SRPX: variants seen among roughly 807,000 people sequenced by gnomAD.
The protein encoded by SRPX is sushi repeat-containing protein SRPX.
Under a neutral mutation model 38.1 loss-of-function variants are expected in SRPX, and 24 were observed. The observed-to-expected ratio is 0.63, with a 90% confidence interval of 0.46 to 0.89. The LOEUF (loss-of-function observed/expected upper bound fraction) is 0.89. Among genes scored for constraint, SRPX ranks in the 40% least tolerant of loss-of-function variants. The pLI is 0.00. For synonymous variants in SRPX, 184 were observed against 153.8 expected (o/e 1.20, Z -1.45); for missense variants, 416 against 377.8 (o/e 1.10, Z -0.84).
At chrX:38,188,748 T>C (rs955691606) in intron 1 of SRPX, among the ~76,000 whole-genome samples, 1 of 111,853 alleles carries the variant, frequency 8.9e-6, no homozygotes, top group African/African-American at 3.3e-5. Flanking sequence ...GGTTACCATC[T>C]AACATTATTA....
chrX:38,155,275 G>A (rs1938113358), intron 8 of SRPX, among the ~76,000 whole-genome samples: 1 of 112,586 alleles, frequency 8.9e-6, no homozygotes, highest in Admixed American at 9.4e-5. Flanking sequence ...TGGTTGAAAA[G>A]TTTAAAAAGT....
intron 3 of SRPX, 89 bp from the exon 4 acceptor site, chrX:38,172,146 G>T (rs1938482711): frequency 9.9e-7 from 1 of 1,007,248 alleles, no homozygotes; most frequent in African/African-American, 1.9e-5. Context: ...AAAGCATGAG[G>T]TGAAAAGTTA....
intron 4 of SRPX, among the ~76,000 whole-genome samples, chrX:38,171,603 G>A (rs1332165997): frequency 4.5e-5 from 5 of 111,853 alleles, no homozygotes; most frequent in African/African-American, 1.3e-4. Flanking sequence ...AAAATCAGCA[G>A]GAGTATGCCA....
chrX:38,217,011 G>A (rs148794370), intron 1 of SRPX, among the ~76,000 whole-genome samples: 80 of 112,309 alleles, frequency 7.1e-4, no homozygotes, highest in Non-Finnish European at 1.4e-3. Flanking sequence ...GTAGATTCAT[G>A]GTGGCACAAA....
chrX:38,200,423 G>A (rs1253916846), intron 1 of SRPX, among the ~76,000 whole-genome samples: 1 of 111,959 alleles, frequency 8.9e-6, no homozygotes, highest in East Asian at 2.8e-4. Context: ...GTTCACTTTT[G>A]AAATAAGCTA....
intron 1 of SRPX, among the ~76,000 whole-genome samples, chrX:38,206,567 C>T (rs968792267): frequency 8.9e-6 from 1 of 111,870 alleles, no homozygotes; most frequent in Non-Finnish European, 1.9e-5. Context: ...GGACCAGAAA[C>T]CAAAATCCTG....
chrX:38,220,766 C>G lies in SRPX; in HGVS notation c.27G>C (p.Ala9=). The change falls in exon 1 of 10, where the codon GCG becomes GCC. Residue 9 remains alanine, a synonymous_variant. Transcript: ENST00000378533. MGSPAHRP[A]LLLLLPPLLL... ...GCAGAGGCGGCAGCAGCAGCAGCAG[C>G]GCGGGCCGATGTGCGGGGCTCCCCA... The G allele has an allele frequency of 8.8e-7, 1 of 1,135,642 alleles. No individual in the cohort carries two copies. Among genetic ancestry groups the G allele is most frequent in the Non-Finnish European group, 1.2e-6 (1 of 863,300 alleles). 93.6% of individuals were successfully genotyped at this position (1,135,642 alleles called of 1,213,427 possible). A position where few individuals can be genotyped will look rare whatever the true frequency, so the allele number is the denominator to read the frequency against.
intron 1 of SRPX, among the ~76,000 whole-genome samples, chrX:38,199,268 T>C (rs1375570281): frequency 3.6e-5 from 4 of 111,168 alleles, no homozygotes; most frequent in African/African-American, 1.3e-4. Flanking sequence ...TAGCCAGGCG[T>C]GGTGGCGGGC....
intron 1 of SRPX, among the ~76,000 whole-genome samples, chrX:38,194,876 T>G (rs1174552829): frequency 3.4e-5 from 3 of 89,060 alleles, no homozygotes; most frequent in East Asian, 6.6e-4. Flanking sequence ...TTTTTTTTTT[T>G]TTTTTTTTTT....
chrX:38,191,659 G>A (rs1938907726), intron 1 of SRPX, among the ~76,000 whole-genome samples: 1 of 111,596 alleles, frequency 9.0e-6, no homozygotes, highest in Non-Finnish European at 1.9e-5. Flanking sequence ...GAATGGCATA[G>A]TTTAATTGGT....
intron 2 of SRPX, among the ~76,000 whole-genome samples, chrX:38,176,607 A>G (rs997195098): frequency 7.2e-5 from 8 of 111,077 alleles, no homozygotes; most frequent in Non-Finnish European, 1.5e-4. Flanking sequence ...AGCCTGGCCA[A>G]CATAGTGAAA....
rs779999031 is a variant in SRPX at position 38,149,840 on chromosome X, A to G, written c.1266T>C (p.His422=). Residue 422 remains histidine, a synonymous_variant, in exon 10 of 10, where the codon CAT becomes CAC. Transcript: ENST00000378533. The stretch of plus-strand genomic sequence containing the variant: ...AGACATAGCGCTCTTTGTCCATGCC[A>G]TGCTTATCCACTAGCACCATACTGA... The part of the protein sequence containing the change: ...YSFSMVLVDK[H]GMDKERYVSL... The G allele has an allele frequency of 2.5e-6, 3 of 1,209,449 alleles. No homozygotes were observed. In the Admixed American group the frequency reaches 6.6e-5, roughly 26 times the overall value.
In SRPX at chrX:38,178,281, T is replaced by C. The variant is rs1172403773; in HGVS notation, c.157+4A>G. 1 of 1,205,811 alleles carries C rather than the reference T, an allele frequency of 8.3e-7. No individual in the cohort carries two copies. Among genetic ancestry groups the C allele is most frequent in the Non-Finnish European group, 1.1e-6 (1 of 891,009 alleles). On this transcript the variant is annotated splice_donor_region_variant and intron_variant, in intron 2 of 9. Coordinates refer to ENST00000378533, the MANE Select transcript of SRPX (RefSeq NM_006307.5). ...CCTCATTAGCACATAAGCAAAGCAT[T>C]CACCTTTATATCTAGGGTGTGAATA...
intron 4 of SRPX, among the ~76,000 whole-genome samples, chrX:38,171,435 A>G (rs924676190): frequency 4.5e-5 from 5 of 111,682 alleles, no homozygotes; most frequent in Non-Finnish European, 9.4e-5. Context: ...AACCCAGAGT[A>G]AGGCAAAATA....
intron 9 of SRPX, among the ~76,000 whole-genome samples, 165 bp downstream of exon 9, chrX:38,154,297 A>T (rs1213046832): frequency 8.9e-6 from 1 of 112,343 alleles, no homozygotes; most frequent in African/African-American, 3.2e-5. Flanking sequence ...TTATTTGAAC[A>T]AACAGCAACA....
chrX:38,165,547 G>T (rs1166792542), intron 4 of SRPX, among the ~76,000 whole-genome samples: 1 of 111,762 alleles, frequency 8.9e-6, no homozygotes, highest in Non-Finnish European at 1.9e-5. Flanking sequence ...GAGGTGTAGA[G>T]GAGCCGCCCA....
Position 38,172,039 on chromosome X carries a change from A to T in SRPX, c.368T>A (p.Leu123His). ...VICKQKRCPT[L>H]AMPANGGFKC... ...AAACCCTCCATTTGCTGGCATGGCA[A>T]GGGTAGGACATCGCTTTTCTGAAAA... The change falls in exon 4 of 10, where the codon CTT (leucine) becomes CAT (histidine). Residue 123 changes from leucine (L) to histidine (H), a missense_variant. Leu to His is a moderately conservative substitution (Grantham distance 99, BLOSUM62 -3). Transcript: ENST00000378533. 8.3e-7 allele frequency: 1 copy of T among 1,209,716 alleles called. No individual in the cohort carries two copies.
intron 1 of SRPX, among the ~76,000 whole-genome samples, chrX:38,217,198 A>G (rs891744844): frequency 8.9e-6 from 1 of 112,937 alleles, no homozygotes; most frequent in African/African-American, 3.2e-5. Flanking sequence ...CCTGCCTCCA[A>G]GGTCTTAAAA....
At chrX:38,220,017 C>A (rs183671302) in intron 1 of SRPX, among the ~76,000 whole-genome samples, 7 of 113,249 alleles carry the variant, frequency 6.2e-5, no homozygotes, top group Non-Finnish European at 9.4e-5. Context: ...CCGGAGACCA[C>A]GCCCTCCAGG....
Sources: allele counts gnomAD v4.1 joint callset (sites outside exome capture counted in the v4.1 genomes callset), GRCh38; gene constraint gnomAD v4.1.1; transcripts MANE v1.5; gene names NCBI Gene and HGNC (gene_info 2026-07-23, HGNC 2026-07-21).